Variants in CATSPERE observed in about 807,000 individuals in gnomAD.
The protein encoded by CATSPERE is cation channel sperm-associated auxiliary subunit epsilon.
A neutral mutation model predicts 114.1 loss-of-function variants in CATSPERE; 93 were observed. The observed-to-expected ratio is 0.81, with a 90% confidence interval of 0.69 to 0.97. The LOEUF (loss-of-function observed/expected upper bound fraction) is 0.97. CATSPERE is among the 50% of genes least tolerant of loss of function. The pLI, the probability that CATSPERE is intolerant of heterozygous loss-of-function variation, is 0.00. For missense variants in CATSPERE, 1,058 were observed against 1,131.6 expected, an observed-to-expected ratio of 0.93 and a Z score of 0.93; for synonymous variants, 341 against 384.1, an observed-to-expected ratio of 0.89 and a Z score of 1.31.
In CATSPERE at chr1:244,552,064, CA is replaced by C. The variant is rs33962480; in HGVS notation, c.537-235del. 7.8e-3 allele frequency among the ~76,000 whole-genome samples: 475 copies of C among 61,278 alleles called. 1 individual carries two copies. Among genetic ancestry groups the C allele is most frequent in the African/African-American group, 0.027 (435 of 16,092 alleles). 40.2% of individuals were successfully genotyped at this position (61,278 alleles called of 152,430 possible). ...GGGCGACAGAGAGACACTCTGTCTC[CA>C]AAAAAAAAAAAAAAAAAAAAAAGAA... On this transcript the variant is annotated intron_variant, in intron 8 of 21. Transcript: ENST00000366534.
chr1:244,477,958 C>T lies in CATSPERE; in HGVS notation c.241C>T (p.Pro81Ser), dbSNP rs1669632647. ...CSSPGVHAIK[P>S]IVTGPDEEER... Reference sequence around the variant, plus strand: ...CTCACCTGGTGTTCACGCTATAAAACCAATTGTTACTGGCCCAGTAAGTTG... The same window carrying T: ...CTCACCTGGTGTTCACGCTATAAAATCAATTGTTACTGGCCCAGTAAGTTG... The change falls in exon 4 of 22, where the codon CCA becomes TCA. Residue 81 changes from proline to serine, a missense_variant. Coordinates refer to ENST00000366534, the MANE Select transcript of CATSPERE (RefSeq NM_001130957.2). The T allele has an allele frequency of 1.9e-6, 3 of 1,602,982 alleles. No homozygotes were observed. The highest frequency in any genetic ancestry group is 8.5e-7 in the Non-Finnish European group (1 of 1,170,734).
At chr1:244,494,167 G>T (rs1672700063) in intron 6 of CATSPERE, among the ~76,000 whole-genome samples, 1 of 151,950 alleles carries the variant, frequency 6.6e-6, no homozygotes, top group Admixed American at 6.6e-5. Flanking sequence ...GTTTATTGCG[G>T]CACTATTCAC....
chr1:244,582,914 T>G (rs868143988), intron 12 of CATSPERE, among the ~76,000 whole-genome samples: 4 of 358 alleles, frequency 0.011, no homozygotes, highest in Middle Eastern at 0.5. Context: ...GAATTTGATA[T>G]ATATATATAT....
intron 21 of CATSPERE, among the ~76,000 whole-genome samples, chr1:244,637,163 C>T (rs557952553): frequency 2.6e-5 from 4 of 152,238 alleles, no homozygotes; most frequent in South Asian, 2.1e-4. Context: ...TATTTATCCT[C>T]GTTCTTGTAA....
upstream of CATSPERE, chr1:244,457,432 T>C (rs1161541489): frequency 6.6e-6 from 1 of 152,214 alleles, no homozygotes; most frequent in Admixed American, 6.5e-5. Flanking sequence ...TTGAAGATGA[T>C]TTTTATGTAA....
chr1:244,473,324 C>T (rs574413023), intron 2 of CATSPERE, among the ~76,000 whole-genome samples: 1 of 152,098 alleles, frequency 6.6e-6, no homozygotes, highest in African/African-American at 2.4e-5. Context: ...TGTGGTATCT[C>T]GTTGCTTTAA....
chr1:244,552,814 G>A lies in CATSPERE; in HGVS notation c.1029G>A (p.Lys343=). The A allele has an allele frequency of 7.1e-7, 1 of 1,417,284 alleles. No individual in the cohort carries two copies. Among genetic ancestry groups the A allele is most frequent in the Non-Finnish European group, 9.4e-7 (1 of 1,066,910 alleles). 87.8% of individuals were successfully genotyped at this position (1,417,284 alleles called of 1,614,324 possible). ...GGTGTTGGGTCAATTATTTATTAAAGGTTAGTAAAAGATATTTTATATTTT... is the reference window on the plus strand; with the variant it reads ...GGTGTTGGGTCAATTATTTATTAAAAGTTAGTAAAAGATATTTTATATTTT... The part of the protein sequence containing the change: ...RKWCWVNYLL[K]AKGRRSTFAV... Residue 343 remains lysine, a splice_region_variant and synonymous_variant, in exon 9 of 22, where the codon AAG becomes AAA. Transcript: ENST00000366534.
intron 7 of CATSPERE, among the ~76,000 whole-genome samples, chr1:244,512,007 TACC>T (rs1315821473): frequency 1.3e-5 from 2 of 152,214 alleles, no homozygotes; most frequent in African/African-American, 4.8e-5. Flanking sequence ...GAAATTCATG[TACC>T]TTGGAGAAAA....
intron 1 of CATSPERE, among the ~76,000 whole-genome samples, chr1:244,463,392 T>G (rs537144754): frequency 6.6e-6 from 1 of 151,888 alleles, no homozygotes; most frequent in African/African-American, 2.4e-5. Context: ...ATACAAAAAT[T>G]AGCTGGGCGT....
intron 2 of CATSPERE, among the ~76,000 whole-genome samples, chr1:244,468,256 C>A (rs935908910): frequency 6.6e-6 from 1 of 151,930 alleles, no homozygotes; most frequent in African/African-American, 2.4e-5. Flanking sequence ...CCACGCCCGG[C>A]TAATTTTTTG....
At chr1:244,466,678 G>A (rs555008213) in intron 2 of CATSPERE, among the ~76,000 whole-genome samples, 1 of 152,280 alleles carries the variant, frequency 6.6e-6, no homozygotes, top group African/African-American at 2.4e-5. Flanking sequence ...TCACCAAACT[G>A]TTGGGAGGGC....
chr1:244,634,569 A>T (rs1558632170), intron 20 of CATSPERE, among the ~76,000 whole-genome samples: 2 of 152,220 alleles, frequency 1.3e-5, no homozygotes, highest in Non-Finnish European at 1.5e-5. Flanking sequence ...ATTAGAAATG[A>T]TAATACAGTT....
At chr1:244,557,680 C>T (rs1270199265) in intron 9 of CATSPERE, among the ~76,000 whole-genome samples, 1 of 148,278 alleles carries the variant, frequency 6.7e-6, no homozygotes, top group African/African-American at 2.5e-5. Context: ...ACTTGAGGTT[C>T]AATTGAGTTT....
chr1:244,463,646 CAAAA>C (rs35832545), intron 1 of CATSPERE, among the ~76,000 whole-genome samples: 4 of 116,832 alleles, frequency 3.4e-5, no homozygotes, highest in Non-Finnish European at 5.8e-5. Context: ...TTTCATCTTA[CAAAA>C]AAAAAAAAAA....
chr1:244,594,118 G>A (rs993426848), intron 17 of CATSPERE, among the ~76,000 whole-genome samples: 3 of 152,240 alleles, frequency 2.0e-5, no homozygotes, highest in African/African-American at 7.2e-5. Flanking sequence ...CCAGGAGATC[G>A]AGATCAGCAT....
intron 7 of CATSPERE, among the ~76,000 whole-genome samples, chr1:244,505,337 A>G (rs1674665961): frequency 6.6e-6 from 1 of 152,134 alleles, no homozygotes; most frequent in Non-Finnish European, 1.5e-5. Context: ...AAGGTATTAG[A>G]CATCAAGATC....
chr1:244,452,962 G>A (rs142253273), upstream of CATSPERE, among the ~76,000 whole-genome samples: 3 of 152,166 alleles, frequency 2.0e-5, no homozygotes, highest in South Asian at 4.1e-4. Context: ...TATATGTACC[G>A]TCTCCCAAAT....
chr1:244,604,542 C>T (rs1293152835), intron 17 of CATSPERE, among the ~76,000 whole-genome samples: 1 of 152,190 alleles, frequency 6.6e-6, no homozygotes, highest in Non-Finnish European at 1.5e-5. Context: ...GTCTGATAGA[C>T]ACAGAGCAGT....
At chr1:244,473,200 G>A (rs1473100911) in intron 2 of CATSPERE, among the ~76,000 whole-genome samples, 2 of 151,976 alleles carry the variant, frequency 1.3e-5, no homozygotes, top group Non-Finnish European at 2.9e-5. Context: ...CCTCCAAGAT[G>A]GCTGTACCGT....
Sources: gnomAD v4.1 joint callset for allele counts (sites outside exome capture counted in the v4.1 genomes callset) on GRCh38, gnomAD v4.1.1 for gene constraint, MANE v1.5 for transcripts, NCBI Gene and HGNC (gene_info 2026-07-23, HGNC 2026-07-21) for gene names.